The following BCAS1 variants were observed in gnomAD, a reference collection of about 807,000 sequenced individuals.
The protein encoded by BCAS1 is breast carcinoma-amplified sequence 1.
A neutral mutation model predicts 65.4 loss-of-function variants in BCAS1; 46 were observed. The observed-to-expected ratio is 0.70, with a 90% CI of 0.55 to 0.90. The LOEUF is 0.90. Among genes scored for constraint, BCAS1 ranks in the 40% least tolerant of loss-of-function variants. BCAS1 has a pLI of 0.00. For missense variants in BCAS1, 793 were observed against 771.2 expected (o/e 1.03, Z -0.33); for synonymous variants, 298 against 293.5 (o/e 1.02, Z -0.16).
intron 11 of BCAS1, among the ~76,000 whole-genome samples, chr20:53,956,126 G>A (rs2089690957): frequency 6.6e-6 from 1 of 152,208 alleles, no homozygotes; most frequent in African/African-American, 2.4e-5. Flanking sequence ...TAACAATAGA[G>A]TTGTGCCCCC....
chr20:54,032,383 A>C (rs1451615131), intron 3 of BCAS1, among the ~76,000 whole-genome samples: 1 of 151,442 alleles, frequency 6.6e-6, no homozygotes, highest in Non-Finnish European at 1.5e-5. Context: ...ACTGAAGTAC[A>C]CAGACCAGTG....
chr20:54,057,513 TTTATC>T (rs1341756072), intron 3 of BCAS1, among the ~76,000 whole-genome samples: 1 of 152,220 alleles, frequency 6.6e-6, no homozygotes, highest in African/African-American at 2.4e-5. Context: ...CTCTATTGCT[TTTATC>T]TTATCTGCTG....
intron 4 of BCAS1, among the ~76,000 whole-genome samples, chr20:54,025,494 G>GTT (rs2091651541): frequency 6.6e-6 from 1 of 152,168 alleles, no homozygotes; most frequent in Non-Finnish European, 1.5e-5. Context: ...CCTGAATGTA[G>GTT]TTTTATAAGG....
chr20:53,975,162 T>C (rs1199899246), intron 9 of BCAS1, among the ~76,000 whole-genome samples: 1 of 152,246 alleles, frequency 6.6e-6, no homozygotes, highest in Non-Finnish European at 1.5e-5. Context: ...TAAAAATTTG[T>C]GCCCTGATTT....
chr20:53,946,002 G>A (rs925805015), intron 12 of BCAS1, among the ~76,000 whole-genome samples: 1 of 151,938 alleles, frequency 6.6e-6, no homozygotes, highest in Non-Finnish European at 1.5e-5. Flanking sequence ...TTGAACTGCT[G>A]GGCTCATGTG....
At chr20:54,052,306 C>T (rs184038435) in intron 3 of BCAS1, among the ~76,000 whole-genome samples, 18 of 152,294 alleles carry the variant, frequency 1.2e-4, no homozygotes, top group Admixed American at 4.6e-4. Flanking sequence ...TACTTTCTGT[C>T]ACTACATTTG....
At chr20:53,999,523 C>T (rs189053339) in intron 4 of BCAS1, among the ~76,000 whole-genome samples, 1 of 152,082 alleles carries the variant, frequency 6.6e-6, no homozygotes, top group African/African-American at 2.4e-5. Context: ...GGAGAAGTGC[C>T]CCTCTTCCAT....
At chr20:53,993,913 G>C (rs1181569853) in intron 6 of BCAS1, among the ~76,000 whole-genome samples, 1 of 152,138 alleles carries the variant, frequency 6.6e-6, no homozygotes, top group Non-Finnish European at 1.5e-5. Context: ...ATTGAAATAG[G>C]GATCGCTACA....
rs182582465 is a variant in BCAS1 at position 53,957,198 on chromosome 20, A to G, written c.1551+234T>C. On this transcript the variant is annotated intron_variant, in intron 11 of 12. Transcript: ENST00000688948. ...AAGGGTGAGAAGAGATTTTTAATGCAGAAAAGAGGGAAGCACATGTGTGAA... is the reference window on the plus strand; with the variant it reads ...AAGGGTGAGAAGAGATTTTTAATGCGGAAAAGAGGGAAGCACATGTGTGAA... 2.0e-5 allele frequency among the ~76,000 whole-genome samples: 3 copies of G among 152,358 alleles called. No homozygotes were observed. The East Asian group carries it at 5.8e-4, about 29-fold the overall frequency.
chr20:54,027,840 T>G (rs1600918450), intron 4 of BCAS1, among the ~76,000 whole-genome samples: 1 of 149,456 alleles, frequency 6.7e-6, no homozygotes, highest in Non-Finnish European at 1.5e-5. Context: ...TTTACAAAGG[T>G]TTATTACTCC....
intron 3 of BCAS1, among the ~76,000 whole-genome samples, chr20:54,042,575 C>A (rs1367406847): frequency 2.0e-5 from 3 of 152,036 alleles, no homozygotes; most frequent in Non-Finnish European, 2.9e-5. Flanking sequence ...AATAGACATG[C>A]CTGGGATACC....
chr20:54,030,209 C>T (rs190690666), intron 3 of BCAS1, among the ~76,000 whole-genome samples: 1 of 152,186 alleles, frequency 6.6e-6, no homozygotes, highest in Non-Finnish European at 1.5e-5. Context: ...AAAAGAACAC[C>T]AAGAATGTTG....
rs367801384 is a variant in BCAS1, at chr20:54,028,360, A to T, written c.723+32T>A. 5.0e-6 allele frequency: 8 copies of T among 1,611,822 alleles called. No individual in the cohort carries two copies. The African/African-American group carries it at 8.0e-5, about 16-fold the overall frequency. On this transcript the variant is annotated intron_variant, in intron 4 of 12. Transcript: ENST00000688948. ...CATTAGCGCCCCCGAGCATGCATTC[A>T]GAACCAAGTGGATACACCTTGGCAC...
intron 9 of BCAS1, among the ~76,000 whole-genome samples, chr20:53,969,520 C>T (rs1028502313): frequency 1.3e-5 from 2 of 152,086 alleles, no homozygotes; most frequent in African/African-American, 4.8e-5. Context: ...ATGATTTGGC[C>T]AGAGTCTTAC....
chr20:53,982,547 C>G (rs577926830), intron 8 of BCAS1, among the ~76,000 whole-genome samples: 1 of 152,172 alleles, frequency 6.6e-6, no homozygotes, highest in East Asian at 1.9e-4. Flanking sequence ...TGTTTGAAAG[C>G]TTTTCAACTA....
chr20:53,968,413 T>C (rs1315020111), intron 9 of BCAS1, among the ~76,000 whole-genome samples: 3 of 152,172 alleles, frequency 2.0e-5, no homozygotes, highest in African/African-American at 7.2e-5. Context: ...CTTAGTTATT[T>C]CCAAAAATAT....
At chr20:54,013,523 T>G (rs945322365) in intron 4 of BCAS1, among the ~76,000 whole-genome samples, 1 of 152,176 alleles carries the variant, frequency 6.6e-6, no homozygotes, top group Admixed American at 6.5e-5. Context: ...GAGGGCAGAG[T>G]GGCATTGTGT....
intron 4 of BCAS1, among the ~76,000 whole-genome samples, chr20:54,000,273 C>T (rs2091025646): frequency 6.6e-6 from 1 of 152,126 alleles, no homozygotes; most frequent in African/African-American, 2.4e-5. Flanking sequence ...GCCAGGCATG[C>T]TGCTAAAATT....
At chr20:54,036,443 T>C (rs2146169836) in intron 3 of BCAS1, among the ~76,000 whole-genome samples, 1 of 151,552 alleles carries the variant, frequency 6.6e-6, no homozygotes, top group Non-Finnish European at 1.5e-5. Flanking sequence ...TCATTTTATC[T>C]GTATATGTGA....
Sources: gnomAD v4.1 joint callset for allele counts (sites outside exome capture counted in the v4.1 genomes callset) on GRCh38, gnomAD v4.1.1 for gene constraint, MANE v1.5 for transcripts, NCBI Gene and HGNC (gene_info 2026-07-23, HGNC 2026-07-21) for gene names.